Variants in IPO11 observed in about 807,000 individuals in gnomAD.
The protein encoded by IPO11 is importin 11, also known as importin-11.
IPO11 carries 66 observed loss-of-function variants against 143.2 expected under a neutral mutation model. The ratio of observed to expected loss-of-function variants is 0.46; its 90% CI spans 0.38 to 0.57. The LOEUF (loss-of-function observed/expected upper bound fraction) is 0.57, where lower values mean the gene tolerates loss of function less well. Ranked by LOEUF, IPO11 falls within the 20% of genes least tolerant of loss-of-function variation. IPO11 has a pLI of 0.00. For synonymous variants in IPO11, 385 were observed against 377.8 expected (o/e 1.02, Z -0.22); for missense variants, 1,026 against 1,141.0 (o/e 0.90, Z 1.45).
At chr5:62,504,813 T>A (rs973150775) in intron 17 of IPO11, 45 bp from the exon 18 acceptor site, 1 of 1,398,586 alleles carries the variant, frequency 7.2e-7, no homozygotes, top group African/African-American at 1.5e-5. Flanking sequence ...CAGATTTATT[T>A]TGATAAAACT....
intron 29 of IPO11, among the ~76,000 whole-genome samples, chr5:62,606,663 C>A (rs1745730716): frequency 6.6e-6 from 1 of 151,574 alleles, no homozygotes. Flanking sequence ...AGTGAAACCC[C>A]ATCTCTACTA....
chr5:62,537,099 C>A, intron 23 of IPO11, 110 bp from the exon 24 acceptor site: 1 of 676,150 alleles, frequency 1.5e-6, no homozygotes, highest in East Asian at 2.6e-5. Flanking sequence ...ATGCTTAGAC[C>A]ATTAGTGTAT....
rs1417628650 is a variant in IPO11 at position 62,515,003 on chromosome 5, A to G, written c.1783-385A>G. Among the ~76,000 whole-genome samples, 9 of 152,170 alleles carry G rather than the reference A, an allele frequency of 5.9e-5. 1 individual carries two copies. The highest frequency in any genetic ancestry group is 5.9e-4 in the Admixed American group (9 of 15,290). ...GTGTTCAGGGCCTGAAACTTGGAAG[A>G]TATTTGTAGAATGAATGAATAGATG... On this transcript the variant is annotated intron_variant, in intron 19 of 29. Coordinates refer to ENST00000325324, the MANE Select transcript of IPO11 (RefSeq NM_016338.5).
At position 62,437,432 on chromosome 5, in the gene IPO11, A is replaced by G; in HGVS notation, c.138+15A>G. Reference sequence around the variant, plus strand: ...CAGTGTTGCTGGTAAGTTGTTCTAAAATTGTTTGCTTTTCTTTTTAATAAA... The same window carrying G: ...CAGTGTTGCTGGTAAGTTGTTCTAAGATTGTTTGCTTTTCTTTTTAATAAA... On this transcript the variant is annotated intron_variant, in intron 2 of 29. Coordinates refer to ENST00000325324, the MANE Select transcript of IPO11 (RefSeq NM_016338.5). The G allele has an allele frequency of 6.3e-7, 1 of 1,587,382 alleles. No individual in the cohort carries two copies. The highest frequency in any genetic ancestry group is 1.2e-5 in the South Asian group (1 of 86,034).
At chr5:62,432,097 T>C (rs1342336244) in intron 1 of IPO11, among the ~76,000 whole-genome samples, 1 of 152,198 alleles carries the variant, frequency 6.6e-6, no homozygotes, top group Non-Finnish European at 1.5e-5. Context: ...AGCTGGGCTA[T>C]TTTCCCATTT....
intron 6 of IPO11, 117 bp downstream of exon 6, chr5:62,467,380 T>G (rs1443088794): frequency 9.1e-7 from 1 of 1,101,578 alleles, no homozygotes; most frequent in Non-Finnish European, 1.3e-6. Flanking sequence ...AGAGGTTTAT[T>G]TCTCCCTGAA....
At chr5:62,495,429 A>G (rs1580246712) in intron 16 of IPO11, among the ~76,000 whole-genome samples, 1 of 152,322 alleles carries the variant, frequency 6.6e-6, no homozygotes, top group East Asian at 1.9e-4. Flanking sequence ...TTAAATTTCA[A>G]TTAAGTTTTC....
intron 29 of IPO11, among the ~76,000 whole-genome samples, chr5:62,618,395 A>G (rs184939792): frequency 3.9e-5 from 6 of 152,286 alleles, no homozygotes; most frequent in African/African-American, 1.4e-4. Flanking sequence ...CAAGATGTGA[A>G]AAAAAGGAAA....
At chr5:62,600,443 G>T (rs189088146) in intron 28 of IPO11, among the ~76,000 whole-genome samples, 22 of 152,336 alleles carry the variant, frequency 1.4e-4, no homozygotes, top group Non-Finnish European at 2.8e-4. Flanking sequence ...AGAATTTGAT[G>T]CAGAATAAAG....
chr5:62,589,785 T>C (rs998462420), intron 27 of IPO11, among the ~76,000 whole-genome samples: 1 of 152,068 alleles, frequency 6.6e-6, no homozygotes, highest in Non-Finnish European at 1.5e-5. Context: ...AGCAGAGATA[T>C]CTCATGAGAT....
rs192058103 is a variant in IPO11 at position 62,538,188 on chromosome 5, C to T, written c.2250+899C>T. ...GCCTAAAAATGATTTCACTTCCTCC[C>T]AGTGAAATGAAAGAGGTTACCCAAA... On this transcript the variant is annotated intron_variant, in intron 24 of 29. Transcript: ENST00000325324. Among the ~76,000 whole-genome samples the T allele has an allele frequency of 1.8e-4, 27 of 152,242 alleles. No homozygotes were observed. In the East Asian group the frequency reaches 4.4e-3, roughly 25 times the overall value.
intron 11 of IPO11, among the ~76,000 whole-genome samples, chr5:62,484,772 C>T (rs991088209): frequency 1.3e-4 from 20 of 151,874 alleles, no homozygotes; most frequent in African/African-American, 4.1e-4. Context: ...TGTAGTTACA[C>T]GTTTCCTAAT....
chr5:62,472,588 C>T lies in IPO11; in HGVS notation c.709-1828C>T, dbSNP rs1027245297. Among the ~76,000 whole-genome samples the T allele has an allele frequency of 4.1e-5, 6 of 145,836 alleles. No homozygotes were observed. The East Asian group carries it at 6.0e-4, about 15-fold the overall frequency. On this transcript the variant is annotated intron_variant, in intron 7 of 29. Transcript: ENST00000325324. ...TGTCGCGCAGGCTGGAGTGCAATGG[C>T]GTGATCTCGGCTCACTGCAACCTCT...
intron 27 of IPO11, among the ~76,000 whole-genome samples, chr5:62,570,545 GT>G (rs1161403575): frequency 6.6e-6 from 1 of 152,170 alleles, no homozygotes; most frequent in Non-Finnish European, 1.5e-5. Flanking sequence ...TCACCATGCT[GT>G]GCACTGAGGG....
Position 62,424,178 on chromosome 5 carries a change from C to T in IPO11, c.-7+11249C>T, listed in dbSNP as rs142271045. On this transcript the variant is annotated intron_variant, in intron 1 of 29. Coordinates refer to ENST00000325324, the MANE Select transcript of IPO11 (RefSeq NM_016338.5). ...TTTTTGAGATGGAGTCTTGCTCTGT[C>T]GCTCAGGCTGGAGTGCAGTGGCGCA... Among the ~76,000 whole-genome samples, 1,090 of 150,542 alleles carry T rather than the reference C, an allele frequency of 7.2e-3. 14 individuals carry two copies. Among genetic ancestry groups the T allele is most frequent in the African/African-American group, 0.025 (1,025 of 41,006 alleles).
intron 27 of IPO11, among the ~76,000 whole-genome samples, chr5:62,576,473 G>C (rs777294449): frequency 6.6e-6 from 1 of 152,100 alleles, no homozygotes; most frequent in South Asian, 2.1e-4. Flanking sequence ...ATCTTGATTG[G>C]TTTATATATA....
rs565872752 is a variant in IPO11 at position 62,627,526 on chromosome 5, T to C, written c.*208T>C. On this transcript the variant is annotated 3_prime_UTR_variant, in exon 30 of 30. Transcript: ENST00000325324. ...TATTCCTCAAAAGAATTTAATTTTA[T>C]ATTTATGAGGGGGCCCTTCACTAAA... The C allele has an allele frequency of 4.6e-6, 2 of 434,554 alleles. No individual in the cohort carries two copies. The highest frequency in any genetic ancestry group is 1.3e-4 in the South Asian group (2 of 14,946). The allele number at this position is 434,554 out of a possible 1,614,324, so 26.9% of individuals were successfully genotyped here.
intron 7 of IPO11, among the ~76,000 whole-genome samples, chr5:62,470,695 T>TCATTA (rs1158911812): frequency 6.6e-6 from 1 of 151,824 alleles, no homozygotes; most frequent in Non-Finnish European, 1.5e-5. Flanking sequence ...TTCTGTCTGA[T>TCATTA]CATTACATTA....
Position 62,437,813 on chromosome 5 carries a change from C to T in IPO11, c.138+396C>T, listed in dbSNP as rs545644869. Among the ~76,000 whole-genome samples, 172 of 152,302 alleles carry T rather than the reference C, an allele frequency of 1.1e-3. 1 individual carries two copies. The highest frequency in any genetic ancestry group is 2.1e-3 in the Non-Finnish European group (140 of 68,024). The stretch of plus-strand genomic sequence containing the variant: ...AATGTCAGGTGTACCGTGTATTTCA[C>T]TTTAAAATGTTTTCTTTTCTCATCT... On this transcript the variant is annotated intron_variant, in intron 2 of 29. Transcript: ENST00000325324.
Sources: allele counts gnomAD v4.1 joint callset (sites outside exome capture counted in the v4.1 genomes callset), GRCh38; gene constraint gnomAD v4.1.1; transcripts MANE v1.5; gene names NCBI Gene and HGNC (gene_info 2026-07-23, HGNC 2026-07-21).